ARFGAP3: variants seen among roughly 807,000 people sequenced by gnomAD.
ARFGAP3 encodes the protein ARF GTPase activating protein 3, also known as ADP-ribosylation factor GTPase-activating protein 3.
A neutral mutation model predicts 75.0 loss-of-function variants in ARFGAP3; 72 were observed. The observed-to-expected ratio is 0.96, with a 90% CI of 0.79 to 1.17. The LOEUF is 1.17. ARFGAP3 is among the 50% of genes most tolerant of loss of function. The pLI, the probability that ARFGAP3 is intolerant of heterozygous loss-of-function variation, is 0.00. For missense variants in ARFGAP3, 620 were observed against 626.6 expected, an observed-to-expected ratio of 0.99 and a Z score of 0.11; for synonymous variants, 221 against 217.9, an observed-to-expected ratio of 1.01 and a Z score of -0.13.
intron 3 of ARFGAP3, among the ~76,000 whole-genome samples, chr22:42,837,835 T>C (rs1364449435): frequency 6.6e-6 from 1 of 151,544 alleles, no homozygotes. Context: ...CATGCACCAC[T>C]ATGCCTGGCT....
chr22:42,851,681 A>C (rs986824243), intron 1 of ARFGAP3, among the ~76,000 whole-genome samples: 1 of 152,220 alleles, frequency 6.6e-6, no homozygotes, highest in Non-Finnish European at 1.5e-5. Context: ...ATGCTTTGGA[A>C]GCAGGGACTG....
chr22:42,818,594 T>G (rs550353501), intron 9 of ARFGAP3, among the ~76,000 whole-genome samples: 1 of 152,122 alleles, frequency 6.6e-6, no homozygotes, highest in African/African-American at 2.4e-5. Context: ...AAGAAAACTA[T>G]GCCTATATAG....
chr22:42,820,770 A>C (rs1287929905), intron 9 of ARFGAP3, among the ~76,000 whole-genome samples: 1 of 152,132 alleles, frequency 6.6e-6, no homozygotes, highest in Admixed American at 6.6e-5. Flanking sequence ...TGGTACAGTC[A>C]CGGTTTCCAG....
chr22:42,798,861 T>C (rs1924723949), intron 15 of ARFGAP3, among the ~76,000 whole-genome samples, 178 bp downstream of exon 15: 1 of 152,184 alleles, frequency 6.6e-6, no homozygotes, highest in African/African-American at 2.4e-5. Context: ...CGTTAGAAAA[T>C]ATTAAATATA....
intron 7 of ARFGAP3, among the ~76,000 whole-genome samples, chr22:42,824,031 CTT>C (rs71186543): frequency 1.3e-4 from 19 of 143,510 alleles, no homozygotes; most frequent in Admixed American, 4.2e-4. Context: ...ATTACAACAA[CTT>C]TTTTTTTTTT....
At chr22:42,807,479 G>T (rs1925180005) in intron 13 of ARFGAP3, among the ~76,000 whole-genome samples, 1 of 152,124 alleles carries the variant, frequency 6.6e-6, no homozygotes, top group South Asian at 2.1e-4. Flanking sequence ...GTCAGCAAAG[G>T]CCACTCTAAG....
intron 3 of ARFGAP3, among the ~76,000 whole-genome samples, chr22:42,838,850 C>A (rs1166317289): frequency 6.6e-6 from 1 of 151,978 alleles, no homozygotes; most frequent in Non-Finnish European, 1.5e-5. Flanking sequence ...GTGGCTCATG[C>A]CTGTAATCCC....
intron 5 of ARFGAP3, among the ~76,000 whole-genome samples, chr22:42,833,554 G>A (rs1318834104): frequency 6.6e-6 from 1 of 152,178 alleles, no homozygotes; most frequent in African/African-American, 2.4e-5. Context: ...TCAGGAGTTC[G>A]AGACCAGCCT....
chr22:42,802,316 C>T (rs1268493576), intron 14 of ARFGAP3, among the ~76,000 whole-genome samples: 1 of 151,338 alleles, frequency 6.6e-6, no homozygotes. Flanking sequence ...GACAGAGTCT[C>T]GCTGTGTCAC....
intron 7 of ARFGAP3, among the ~76,000 whole-genome samples, 164 bp downstream of exon 7, chr22:42,826,776 C>CAT (rs748769396): frequency 7.9e-5 from 12 of 151,960 alleles, no homozygotes; most frequent in Middle Eastern, 3.2e-3. Context: ...GAATAAAAAA[C>CAT]ATATATATAT....
intron 3 of ARFGAP3, among the ~76,000 whole-genome samples, chr22:42,836,052 G>C (rs188888542): frequency 1.4e-5 from 2 of 139,616 alleles, no homozygotes; most frequent in South Asian, 2.2e-4. Context: ...GCTCCATCTC[G>C]GTTCACTGCA....
At chr22:42,831,188 G>A (rs1001885638) in intron 6 of ARFGAP3, among the ~76,000 whole-genome samples, 5 of 151,368 alleles carry the variant, frequency 3.3e-5, no homozygotes, top group African/African-American at 4.9e-5. Flanking sequence ...TAGGGAGGCT[G>A]AGGCAGGAGA....
intron 6 of ARFGAP3, among the ~76,000 whole-genome samples, chr22:42,830,418 T>C (rs1337267926): frequency 6.6e-6 from 1 of 152,192 alleles, no homozygotes; most frequent in Non-Finnish European, 1.5e-5. Context: ...ATTTTCTCAA[T>C]ACCATCACCC....
chr22:42,842,295 G>A (rs1014876706), intron 2 of ARFGAP3, among the ~76,000 whole-genome samples: 2 of 141,128 alleles, frequency 1.4e-5, no homozygotes, highest in Admixed American at 7.6e-5. Context: ...ATGAGCCACC[G>A]TGCCTGGCCT....
chr22:42,856,008 T>G (rs1467411740), intron 1 of ARFGAP3, among the ~76,000 whole-genome samples: 1 of 152,012 alleles, frequency 6.6e-6, no homozygotes, highest in Non-Finnish European at 1.5e-5. Context: ...GGCACTACAC[T>G]TCAGCCTGGG....
chr22:42,797,414 T>C lies in ARFGAP3; in HGVS notation c.*174A>G. The C allele has an allele frequency of 1.3e-6, 1 of 773,770 alleles. No individual in the cohort carries two copies. Among genetic ancestry groups the C allele is most frequent in the Non-Finnish European group, 2.1e-6 (1 of 479,244 alleles). 47.9% of individuals were successfully genotyped at this position (773,770 alleles called of 1,614,324 possible). A position where few individuals can be genotyped will look rare whatever the true frequency, so the allele number is the denominator to read the frequency against. On this transcript the variant is annotated 3_prime_UTR_variant, in exon 16 of 16. Transcript: ENST00000263245. ...GAAACAGAAATCACAGGAAAGCTCC[T>C]ACATCAGAACTCAGAATTTCTCAAA...
At chr22:42,811,836 GGA>G (rs1212924817) in intron 11 of ARFGAP3, among the ~76,000 whole-genome samples, 2 of 152,162 alleles carry the variant, frequency 1.3e-5, no homozygotes, top group Admixed American at 6.6e-5. Flanking sequence ...GCCTGGAACA[GGA>G]GAGACTGACA....
chr22:42,826,986 T>G lies in ARFGAP3; in HGVS notation c.579A>C (p.Gln193His). The change falls in exon 7 of 16, where the codon CAA (glutamine) becomes CAC (histidine). Residue 193 changes from glutamine (Q) to histidine (H), a missense_variant. By Grantham distance (24) the Gln-to-His change is conservative. Coordinates refer to ENST00000263245, the MANE Select transcript of ARFGAP3 (RefSeq NM_014570.5). ...CATTAAGACCTTCCACACTTGGTCC[T>G]TGCTCTTGTCCACCTGAAAATTCAA... ...TLENNEGGQEQGPSVEGLNVP... is the reference protein window; with the variant it reads ...TLENNEGGQEHGPSVEGLNVP... The G allele has an allele frequency of 3.1e-6, 5 of 1,613,586 alleles. No homozygotes were observed. The South Asian group carries it at 3.3e-5, about 11-fold the overall frequency.
intron 4 of ARFGAP3, 60 bp downstream of exon 4, chr22:42,835,302 C>A: frequency 6.4e-7 from 1 of 1,574,608 alleles, no homozygotes; most frequent in South Asian, 1.2e-5. Context: ...GGATAAAAAT[C>A]ACTTTTTCTA....
Sources: gnomAD v4.1 joint callset for allele counts (sites outside exome capture counted in the v4.1 genomes callset) on GRCh38, gnomAD v4.1.1 for gene constraint, MANE v1.5 for transcripts, NCBI Gene and HGNC (gene_info 2026-07-23, HGNC 2026-07-21) for gene names.